GRB2: variants seen among roughly 807,000 people sequenced by gnomAD.
GRB2 encodes growth factor receptor bound protein 2.
Under a neutral mutation model 27.4 loss-of-function variants are expected in GRB2, and 2 were observed. The observed-to-expected ratio is 0.07, with a 90% confidence interval of 0.03 to 0.23. The LOEUF (loss-of-function observed/expected upper bound fraction) is 0.23, where lower values mean the gene tolerates loss of function less well. GRB2 is among the 10% of genes least tolerant of loss of function. The probability of loss-of-function intolerance (pLI) is 1.00; values close to 1 mark genes in which losing one functional copy is unlikely to be tolerated. For synonymous variants in GRB2, 94 were observed against 99.6 expected (o/e 0.94, Z 0.33); for missense variants, 102 against 282.4 (o/e 0.36, Z 4.58).
rs1358029065 is a variant in GRB2 at position 75,366,647 on chromosome 17, AAAAC to A, written c.78+26900_78+26903del. The stretch of plus-strand genomic sequence containing the variant: ...CATGGCAAAACCCCATCTCCACAAA[AAAAC>A]AAACAAAAATTAGCCGGGTGTGGTA... On this transcript the variant is annotated intron_variant, in intron 2 of 5. Transcript: ENST00000316804. 4.6e-5 allele frequency among the ~76,000 whole-genome samples: 7 copies of A among 152,172 alleles called. No homozygotes were observed. In the South Asian group the frequency reaches 1.5e-3, roughly 32 times the overall value.
At chr17:75,385,804 T>C (rs1214745780) in intron 2 of GRB2, among the ~76,000 whole-genome samples, 1 of 152,230 alleles carries the variant, frequency 6.6e-6, no homozygotes, top group Non-Finnish European at 1.5e-5. Context: ...ACAGGATCCA[T>C]TTAAACGTTT....
At position 75,333,835 on chromosome 17, in the gene GRB2, A is replaced by AAC. The variant is rs1219132457; in HGVS notation, c.79-1040_79-1039dup. Among the ~76,000 whole-genome samples the AAC allele has an allele frequency of 3.9e-5, 6 of 152,360 alleles. No homozygotes were observed. The East Asian group carries it at 1.2e-3, about 29-fold the overall frequency. ...AGATGCCTTGGAAATCCTGGAACTG[A>AAC]ACCACTGCATTCTACAGATGTAAAA... On this transcript the variant is annotated intron_variant, in intron 2 of 5. Transcript: ENST00000316804.
At chr17:75,338,776 A>C (rs1374445042) in intron 2 of GRB2, 5 of 653,236 alleles carry the variant, frequency 7.7e-6, no homozygotes, top group Non-Finnish European at 1.4e-5. Context: ...AGCTTTACAC[A>C]GAAGAATTAA....
Position 75,405,583 on chromosome 17 carries a change from G to C in GRB2, c.-232C>G, listed in dbSNP as rs1487835669. The stretch of plus-strand genomic sequence containing the variant: ...AGGCTGCTCTGCGAGGGCAGCGCTT[G>C]CTCCCGCCGCCGTCACCGCCACAGG... On this transcript the variant is annotated 5_prime_UTR_variant, in exon 1 of 6. Transcript: ENST00000316804. 1.3e-5 allele frequency: 2 copies of C among 156,552 alleles called. No individual in the cohort carries two copies. Among genetic ancestry groups the C allele is most frequent in the African/African-American group, 2.4e-5 (1 of 41,484 alleles). The allele number at this position is 156,552 out of a possible 1,614,324, so 9.7% of individuals were successfully genotyped here.
intron 1 of GRB2, among the ~76,000 whole-genome samples, chr17:75,404,682 G>A (rs1353955480): frequency 2.0e-5 from 3 of 152,186 alleles, no homozygotes; most frequent in East Asian, 1.9e-4. Flanking sequence ...ATAGACTAAT[G>A]CTAATTTCTC....
At chr17:75,388,726 A>G (rs1253185829) in intron 2 of GRB2, among the ~76,000 whole-genome samples, 1 of 151,580 alleles carries the variant, frequency 6.6e-6, no homozygotes, top group Non-Finnish European at 1.5e-5. Context: ...TCAGGCTTGC[A>G]CGAGCATGCC....
chr17:75,378,339 C>T (rs975436974), intron 2 of GRB2, among the ~76,000 whole-genome samples: 2 of 151,960 alleles, frequency 1.3e-5, no homozygotes, highest in South Asian at 2.1e-4. Flanking sequence ...GCTGAGATCT[C>T]GCCACCGCAT....
chr17:75,344,902 A>C (rs1013073355), intron 2 of GRB2, among the ~76,000 whole-genome samples: 2 of 151,850 alleles, frequency 1.3e-5, no homozygotes, highest in African/African-American at 4.8e-5. Context: ...TGTGATGCTA[A>C]CAGGCAAACC....
intron 1 of GRB2, among the ~76,000 whole-genome samples, chr17:75,401,906 A>G (rs1426370701): frequency 6.6e-6 from 1 of 152,246 alleles, no homozygotes; most frequent in Non-Finnish European, 1.5e-5. Flanking sequence ...GACCTTAACT[A>G]GTATTTTCAG....
intron 2 of GRB2, among the ~76,000 whole-genome samples, chr17:75,359,485 GAC>G (rs1226854687): frequency 1.3e-5 from 2 of 148,502 alleles, no homozygotes; most frequent in African/African-American, 4.9e-5. Context: ...CAGCCTGGGT[GAC>G]AGAGTGAGGC....
At chr17:75,359,786 TTTCTTCCCACCACTGAACCATGTATACC>T (rs1439971147) in intron 2 of GRB2, among the ~76,000 whole-genome samples, 1 of 152,186 alleles carries the variant, frequency 6.6e-6, no homozygotes, top group African/African-American at 2.4e-5. Context: ...TAAGAATCAC[TTTCTTCCCACCACTGAACCATGTATACC>T]TGTCTCAATA....
Position 75,320,578 on chromosome 17 carries a change from C to G in GRB2, c.469-25G>C, listed in dbSNP as rs750534443. The G allele has an allele frequency of 3.1e-6, 5 of 1,598,042 alleles. No homozygotes were observed. In the African/African-American group the frequency reaches 5.4e-5, roughly 17 times the overall value. On this transcript the variant is annotated intron_variant, in intron 5 of 5. Transcript: ENST00000316804. The surrounding 1 kb of genome is among the most constrained non-coding windows in gnomAD (Gnocchi z 4.3). Reference sequence around the variant, plus strand: ...GCTGCAAAACAGGAGCAGGAAAAACCCACATTGCATTCCTGGTCTGTGACT... The same window carrying G: ...GCTGCAAAACAGGAGCAGGAAAAACGCACATTGCATTCCTGGTCTGTGACT...
chr17:75,393,950 G>A (rs1421710902), intron 1 of GRB2, 185 bp from the exon 2 acceptor site: 1 of 423,414 alleles, frequency 2.4e-6, no homozygotes, highest in Non-Finnish European at 4.2e-6. Context: ...GCCCCCAGGC[G>A]ACTGACAGGC....
chr17:75,382,171 C>T (rs945926926), intron 2 of GRB2, among the ~76,000 whole-genome samples: 10 of 151,394 alleles, frequency 6.6e-5, no homozygotes, highest in Admixed American at 4.0e-4. Context: ...TGTGGTGAGC[C>T]GAGATCGCGC....
At chr17:75,329,008 G>C (rs1203668433) in intron 3 of GRB2, among the ~76,000 whole-genome samples, 1 of 151,820 alleles carries the variant, frequency 6.6e-6, no homozygotes, top group Non-Finnish European at 1.5e-5. Flanking sequence ...TTCTCAATCG[G>C]GGGGCCCCAA....
rs997553253 is a variant in GRB2 at position 75,405,624 on chromosome 17, A to AGCCGCCGCC, written c.-282_-274dup. ...CCGCCACAGGCACAGACTCTGCCAC[A>AGCCGCCGCC]GCCGCCGCCGCCGCTGCCGCCGCCC... On this transcript the variant is annotated 5_prime_UTR_variant, in exon 1 of 6. Coordinates refer to ENST00000316804, the MANE Select transcript of GRB2 (RefSeq NM_002086.5). The AGCCGCCGCC allele has an allele frequency of 1.2e-4, 19 of 162,538 alleles. No homozygotes were observed. Among genetic ancestry groups the AGCCGCCGCC allele is most frequent in the Middle Eastern group, 2.9e-3 (1 of 342 alleles). The allele number at this position is 162,538 out of a possible 1,614,324, so 10.1% of individuals were successfully genotyped here. A position where few individuals can be genotyped will look rare whatever the true frequency, so the allele number is the denominator to read the frequency against.
intron 2 of GRB2, chr17:75,372,437 C>T (rs529051091): frequency 6.6e-6 from 1 of 152,284 alleles, no homozygotes; most frequent in Non-Finnish European, 1.5e-5. Context: ...TTTCCACTCC[C>T]ATCCCAATTC....
At chr17:75,360,984 C>T (rs373200635) in intron 2 of GRB2, among the ~76,000 whole-genome samples, 154 of 147,500 alleles carry the variant, frequency 1.0e-3, no homozygotes, top group African/African-American at 3.8e-3. Context: ...TTGAACAGGG[C>T]TGGTCTCAAA....
chr17:75,367,606 G>A (rs1455232104), intron 2 of GRB2, among the ~76,000 whole-genome samples: 2 of 152,306 alleles, frequency 1.3e-5, no homozygotes, highest in East Asian at 3.9e-4. Flanking sequence ...GTTACCTTGT[G>A]AGAAATGAGT....
Sources: allele counts gnomAD v4.1 joint callset (sites outside exome capture counted in the v4.1 genomes callset), GRCh38; gene constraint gnomAD v4.1.1; non-coding constraint Gnocchi (gnomAD v3.1); transcripts MANE v1.5; gene names NCBI Gene and HGNC (gene_info 2026-07-23, HGNC 2026-07-21).